RIT2: variants seen among roughly 807,000 people sequenced by gnomAD.
RIT2 encodes Ras like without CAAX 2, also known as GTP-binding protein Rit2.
Under a neutral mutation model 23.7 loss-of-function variants are expected in RIT2, and 24 were observed. The ratio of observed to expected loss-of-function variants is 1.01; its 90% confidence interval spans 0.73 to 1.43. The LOEUF (loss-of-function observed/expected upper bound fraction) is 1.43. Among genes scored for constraint, RIT2 ranks in the 40% most tolerant of loss-of-function variants. RIT2 has a pLI of 0.00. For missense variants in RIT2, 236 were observed against 266.9 expected (o/e 0.88, Z 0.81); for synonymous variants, 107 against 91.1 (o/e 1.17, Z -0.99).
chr18:42,837,845 G>A lies in RIT2; in HGVS notation c.426+85727C>T, dbSNP rs1295738477. On this transcript the variant is annotated intron_variant, in intron 4 of 4. Coordinates refer to ENST00000326695, the MANE Select transcript of RIT2 (RefSeq NM_002930.4). ...TGATATTAAACCAGGCATTTTGGAAGCAGAACACTCTCGGTTTCTGTCTAC... is the reference window on the plus strand; with the variant it reads ...TGATATTAAACCAGGCATTTTGGAAACAGAACACTCTCGGTTTCTGTCTAC... 2.0e-5 allele frequency among the ~76,000 whole-genome samples: 3 copies of A among 152,082 alleles called. No individual in the cohort carries two copies. In the East Asian group the frequency reaches 5.8e-4, roughly 29 times the overall value.
At position 43,096,089 on chromosome 18, in the gene RIT2, A is replaced by C. The variant is rs560013229; in HGVS notation, c.103+19328T>G. The stretch of plus-strand genomic sequence containing the variant: ...CAATCCGGAAAAGTGAGACTATTTC[A>C]CATTGGAGTAGAAAAAGGAAGGAAG... On this transcript the variant is annotated intron_variant, in intron 1 of 4. Transcript: ENST00000326695. 1.1e-4 allele frequency among the ~76,000 whole-genome samples: 17 copies of C among 152,048 alleles called. No individual in the cohort carries two copies. The East Asian group carries it at 2.1e-3, about 19-fold the overall frequency.
chr18:43,107,901 C>T (rs1005540091), intron 1 of RIT2, among the ~76,000 whole-genome samples: 2 of 151,800 alleles, frequency 1.3e-5, no homozygotes, highest in Admixed American at 1.3e-4. Flanking sequence ...CAGTGGCTCA[C>T]GCCTGTAACC....
chr18:43,087,214 C>G (rs1470970202), intron 1 of RIT2, among the ~76,000 whole-genome samples: 1 of 151,676 alleles, frequency 6.6e-6, no homozygotes, highest in Non-Finnish European at 1.5e-5. Context: ...TGCAGTCTAG[C>G]CTGGGCAACA....
chr18:43,099,157 G>T (rs778098211), intron 1 of RIT2, among the ~76,000 whole-genome samples: 60 of 151,978 alleles, frequency 3.9e-4, no homozygotes, highest in Non-Finnish European at 8.2e-4. Flanking sequence ...CTTATCATTT[G>T]TCTCTCTTTG....
chr18:42,988,894 G>C (rs1261019209), intron 2 of RIT2, among the ~76,000 whole-genome samples: 1 of 152,182 alleles, frequency 6.6e-6, no homozygotes, highest in African/African-American at 2.4e-5. Flanking sequence ...AAGGACCACG[G>C]GTTAGGGCAG....
chr18:42,861,698 G>C (rs1394456470), intron 4 of RIT2, among the ~76,000 whole-genome samples: 1 of 152,136 alleles, frequency 6.6e-6, no homozygotes, highest in East Asian at 1.9e-4. Flanking sequence ...CACCCATTTT[G>C]TTAAGAGATT....
chr18:42,900,140 A>C (rs1313828645), intron 4 of RIT2, among the ~76,000 whole-genome samples: 1 of 152,124 alleles, frequency 6.6e-6, no homozygotes, highest in Non-Finnish European at 1.5e-5. Context: ...ATGTGTGATT[A>C]AGAAATTTAA....
At chr18:42,801,118 A>G (rs1905529497) in intron 4 of RIT2, among the ~76,000 whole-genome samples, 1 of 152,192 alleles carries the variant, frequency 6.6e-6, no homozygotes, top group Non-Finnish European at 1.5e-5. Flanking sequence ...GTTAGTGTTG[A>G]TAATGATGAA....
At chr18:43,058,929 C>G (rs908676859) in intron 1 of RIT2, among the ~76,000 whole-genome samples, 6 of 151,912 alleles carry the variant, frequency 3.9e-5, no homozygotes, top group Non-Finnish European at 2.9e-5. Flanking sequence ...TACATTGAAC[C>G]CTTGAGCCTA....
At chr18:42,932,955 A>C (rs1423646645) in intron 3 of RIT2, among the ~76,000 whole-genome samples, 1 of 152,090 alleles carries the variant, frequency 6.6e-6, no homozygotes, top group African/African-American at 2.4e-5. Flanking sequence ...AATTAATTAT[A>C]TCTTTCTTAT....
At chr18:42,852,333 TAAG>T (rs1425641573) in intron 4 of RIT2, among the ~76,000 whole-genome samples, 1 of 152,200 alleles carries the variant, frequency 6.6e-6, no homozygotes, top group Non-Finnish European at 1.5e-5. Context: ...TTGAAGGTAG[TAAG>T]AAAGACAATA....
chr18:43,000,596 C>A (rs116452843), intron 2 of RIT2, among the ~76,000 whole-genome samples: 19 of 151,930 alleles, frequency 1.3e-4, no homozygotes, highest in Non-Finnish European at 2.6e-4. Flanking sequence ...ATAATCCCCA[C>A]GTGTTGAGAA....
chr18:42,795,977 A>G (rs1277521179), intron 4 of RIT2, among the ~76,000 whole-genome samples: 1 of 152,098 alleles, frequency 6.6e-6, no homozygotes, highest in Non-Finnish European at 1.5e-5. Flanking sequence ...GCCCTGTCAA[A>G]ACAGACCCCT....
chr18:42,994,263 G>A (rs994750962), intron 2 of RIT2, among the ~76,000 whole-genome samples: 3 of 152,012 alleles, frequency 2.0e-5, no homozygotes, highest in South Asian at 2.1e-4. Flanking sequence ...GACAGCCCCC[G>A]TTACTTCAGT....
chr18:43,070,399 T>C (rs1274275431), intron 1 of RIT2, among the ~76,000 whole-genome samples: 1 of 152,190 alleles, frequency 6.6e-6, no homozygotes, highest in Non-Finnish European at 1.5e-5. Flanking sequence ...TCATTTATAT[T>C]AATGGCAAGC....
intron 1 of RIT2, among the ~76,000 whole-genome samples, chr18:43,094,131 T>TG (rs1555657845): frequency 8.3e-5 from 11 of 132,908 alleles, no homozygotes; most frequent in Admixed American, 4.0e-4. Flanking sequence ...TTGTTTTTTT[T>TG]TTTTTTTTTC....
chr18:43,025,347 A>G (rs1911691252), intron 2 of RIT2, among the ~76,000 whole-genome samples: 1 of 150,880 alleles, frequency 6.6e-6, no homozygotes, highest in African/African-American at 2.4e-5. Context: ...GTAAATTAGT[A>G]CAAACTCTGC....
At chr18:43,097,169 C>G (rs1324039090) in intron 1 of RIT2, among the ~76,000 whole-genome samples, 1 of 151,728 alleles carries the variant, frequency 6.6e-6, no homozygotes, top group South Asian at 2.1e-4. Context: ...TGAAAACACC[C>G]CTTAGAGTTT....
At chr18:42,816,770 A>T (rs1371641051) in intron 4 of RIT2, among the ~76,000 whole-genome samples, 3 of 152,118 alleles carry the variant, frequency 2.0e-5, no homozygotes, top group African/African-American at 4.8e-5. Flanking sequence ...ATTATAGGAT[A>T]AAAAAACCAA....
Sources: gnomAD v4.1 joint callset for allele counts (sites outside exome capture counted in the v4.1 genomes callset) on GRCh38, gnomAD v4.1.1 for gene constraint, MANE v1.5 for transcripts, NCBI Gene and HGNC (gene_info 2026-07-23, HGNC 2026-07-21) for gene names.